The following CELF1 variants were observed in gnomAD, a reference collection of about 807,000 sequenced individuals.
CELF1 encodes 50 kDa nuclear polyadenylated RNA-binding protein.
Under a neutral mutation model 61.8 loss-of-function variants are expected in CELF1, and 10 were observed. The observed-to-expected ratio is 0.16, with a 90% CI of 0.10 to 0.27. The LOEUF (loss-of-function observed/expected upper bound fraction) is 0.27. Ranked by LOEUF, CELF1 falls within the 10% of genes least tolerant of loss-of-function variation. The pLI is 1.00. For synonymous variants in CELF1, 236 were observed against 225.1 expected, an observed-to-expected ratio of 1.05 and a Z score of -0.43; for missense variants, 380 against 639.1, an observed-to-expected ratio of 0.59 and a Z score of 4.37.
rs1290807670 is a variant in CELF1, at chr11:47,563,220, GA to G, written c.-11+1130del. 9.4e-3 allele frequency among the ~76,000 whole-genome samples: 1,265 copies of G among 135,260 alleles called. 13 individuals are homozygous for G. The highest frequency in any genetic ancestry group is 0.03 in the African/African-American group (1,124 of 36,894). The allele number at this position is 135,260 out of a possible 152,430, so 88.7% of individuals were successfully genotyped here. ...GGTGACAGTGAGACCCTGTTTCCTA[GA>G]AAAAAAAAAAAGAAAAGTAAAAAGA... On this transcript the variant is annotated intron_variant, in intron 2 of 3. Coordinates refer to the CELF1 transcript ENST00000525841.
chr11:47,550,550 T>C (rs1031478313), intron 1 of CELF1, among the ~76,000 whole-genome samples: 4 of 152,040 alleles, frequency 2.6e-5, no homozygotes, highest in African/African-American at 9.7e-5. Context: ...CACAAAACTG[T>C]GACTAAGATA....
intron 1 of CELF1, among the ~76,000 whole-genome samples, chr11:47,548,954 A>C (rs765865369): frequency 3.5e-4 from 53 of 152,118 alleles, no homozygotes; most frequent in Admixed American, 3.3e-4. Flanking sequence ...AAAACTGGGA[A>C]ATGGCCTTGA....
At chr11:47,519,359 T>C (rs2095738429) in intron 1 of CELF1, among the ~76,000 whole-genome samples, 2 of 151,996 alleles carry the variant, frequency 1.3e-5, no homozygotes, top group African/African-American at 4.8e-5. Flanking sequence ...CGGGAACCTG[T>C]AATCCCAGTT....
At chr11:47,519,955 T>G (rs915690818) in intron 1 of CELF1, among the ~76,000 whole-genome samples, 1 of 151,522 alleles carries the variant, frequency 6.6e-6, no homozygotes, top group Admixed American at 6.6e-5. Context: ...ACTCAACTGT[T>G]CCACAAAATT....
intron 9 of CELF1, 182 bp downstream of exon 9, chr11:47,482,513 C>G (rs931818107): frequency 2.2e-4 from 102 of 465,562 alleles, no homozygotes; most frequent in African/African-American, 1.9e-3. Context: ...TCCAGAGATA[C>G]ATATATATAG....
intron 1 of CELF1, among the ~76,000 whole-genome samples, chr11:47,539,062 C>T (rs898963045): frequency 3.3e-5 from 5 of 152,144 alleles, no homozygotes; most frequent in East Asian, 1.9e-4. Context: ...CTAAAACAAA[C>T]GCCACTTAAC....
intron 1 of CELF1, among the ~76,000 whole-genome samples, chr11:47,541,455 C>G (rs1215540757): frequency 6.6e-6 from 1 of 151,900 alleles, no homozygotes; most frequent in Non-Finnish European, 1.5e-5. Flanking sequence ...CTTTGGGAGG[C>G]CAAGGCGGGT....
At chr11:47,532,149 G>C (rs1211246914) in intron 1 of CELF1, among the ~76,000 whole-genome samples, 1 of 151,922 alleles carries the variant, frequency 6.6e-6, no homozygotes, top group Non-Finnish European at 1.5e-5. Flanking sequence ...TCCTGCCTCA[G>C]CTGCCTGAGT....
At position 47,470,697 on chromosome 11, in the gene CELF1, A is replaced by C. The variant is rs1220316716; in HGVS notation, c.*1533T>G. ...TAGGGGTCAAGACTGGTATTTGTTG[A>C]GGTTTCAGATTCCAGAGACCCAGGG... On this transcript the variant is annotated 3_prime_UTR_variant, in exon 15 of 15. Transcript: ENST00000687097. 6.6e-6 allele frequency: 1 copy of C among 152,162 alleles called. No individual in the cohort carries two copies. The highest frequency in any genetic ancestry group is 2.4e-5 in the African/African-American group (1 of 41,426). 9.4% of individuals were successfully genotyped at this position (152,162 alleles called of 1,614,324 possible).
At chr11:47,521,233 C>T (rs1192336204) in intron 1 of CELF1, among the ~76,000 whole-genome samples, 1 of 152,130 alleles carries the variant, frequency 6.6e-6, no homozygotes, top group Non-Finnish European at 1.5e-5. Context: ...GCCTGGGCGA[C>T]TGAGAGAGAC....
At chr11:47,483,176 G>C (rs553622425) in intron 8 of CELF1, among the ~76,000 whole-genome samples, 1 of 152,056 alleles carries the variant, frequency 6.6e-6, no homozygotes, top group Non-Finnish European at 1.5e-5. Flanking sequence ...AGGTAGGGGG[G>C]ATCACTTGAG....
intron 1 of CELF1, among the ~76,000 whole-genome samples, chr11:47,545,846 T>C (rs942766036): frequency 6.7e-6 from 1 of 149,786 alleles, no homozygotes; most frequent in Non-Finnish European, 1.5e-5. Flanking sequence ...CTCTCATATG[T>C]ATACGTGTGT....
chr11:47,517,226 A>G (rs2095604191), intron 1 of CELF1, among the ~76,000 whole-genome samples: 1 of 150,268 alleles, frequency 6.7e-6, no homozygotes, highest in Non-Finnish European at 1.5e-5. Context: ...AGCCTGGACA[A>G]CTGAGAGAGA....
At chr11:47,546,034 C>T (rs2153743414) in intron 1 of CELF1, among the ~76,000 whole-genome samples, 1 of 151,492 alleles carries the variant, frequency 6.6e-6, no homozygotes, top group East Asian at 1.9e-4. Context: ...CCTCAGCCTC[C>T]CAAGTAGCTG....
chr11:47,482,875 G>T lies in CELF1; in HGVS notation c.607-19C>A. On this transcript the variant is annotated intron_variant, in intron 8 of 14. Coordinates refer to ENST00000687097, the MANE Select transcript of CELF1 (RefSeq NM_001376376.1). Reference sequence around the variant, plus strand: ...AGCAACCCTGTGAAAAGACCATAACGAAAGGGTCAAATTCCTCCATCTGAA... The same window carrying T: ...AGCAACCCTGTGAAAAGACCATAACTAAAGGGTCAAATTCCTCCATCTGAA... 6.2e-7 allele frequency: 1 copy of T among 1,603,744 alleles called. No homozygotes were observed. The highest frequency in any genetic ancestry group is 8.5e-7 in the Non-Finnish European group (1 of 1,174,242).
chr11:47,507,433 G>A (rs2094598695), intron 1 of CELF1, among the ~76,000 whole-genome samples: 1 of 151,886 alleles, frequency 6.6e-6, no homozygotes, highest in South Asian at 2.1e-4. Context: ...CATCTTGGTG[G>A]CCCTAGGGTG....
At position 47,483,718 on chromosome 11, in the gene CELF1, GA is replaced by G. The variant is rs57673440; in HGVS notation, c.527-187del. 3.2e-3 allele frequency among the ~76,000 whole-genome samples: 473 copies of G among 147,988 alleles called. 5 individuals carry two copies. The highest frequency in any genetic ancestry group is 0.011 in the African/African-American group (452 of 40,436). ...TAATGAAAAAACAGAACCACTGACA[GA>G]AAAAAAAAATGCTTGACAGGAGAAA... On this transcript the variant is annotated intron_variant, in intron 7 of 14. Coordinates refer to ENST00000687097, the MANE Select transcript of CELF1 (RefSeq NM_001376376.1).
intron 3 of CELF1, among the ~76,000 whole-genome samples, chr11:47,491,449 G>A (rs1306408404): frequency 2.0e-5 from 3 of 152,142 alleles, no homozygotes; most frequent in African/African-American, 7.2e-5. Context: ...CTGAGCCACC[G>A]CACCCAGCCT....
At chr11:47,472,503 A>C in intron 14 of CELF1, 146 bp from the exon 15 acceptor site, 1 of 859,746 alleles carries the variant, frequency 1.2e-6, no homozygotes, top group Non-Finnish European at 1.8e-6. Context: ...ATGTCATACG[A>C]AATAAATTAG....
Sources: gnomAD v4.1 joint callset for allele counts (sites outside exome capture counted in the v4.1 genomes callset) on GRCh38, gnomAD v4.1.1 for gene constraint, MANE v1.5 for transcripts, NCBI Gene and HGNC (gene_info 2026-07-23, HGNC 2026-07-21) for gene names.